The following CEP70 variants were observed in gnomAD, a reference collection of about 807,000 sequenced individuals.
The protein encoded by CEP70 is centrosomal protein 70.
In CEP70, 70 loss-of-function variants were observed where a neutral mutation model predicts 90.9. The ratio of observed to expected loss-of-function variants is 0.77; its 90% CI spans 0.64 to 0.94. The LOEUF is 0.94. CEP70 is among the 40% of genes least tolerant of loss of function. The pLI, the probability that CEP70 is intolerant of heterozygous loss-of-function variation, is 0.00. For missense variants in CEP70, 648 were observed against 669.0 expected (o/e 0.97, Z 0.35); for synonymous variants, 220 against 228.3 (o/e 0.96, Z 0.33).
chr3:138,570,337 T>C lies in CEP70; in HGVS notation c.446A>G (p.Lys149Arg), dbSNP rs764041380. 6.3e-7 allele frequency: 1 copy of C among 1,584,796 alleles called. No homozygotes were observed. Among genetic ancestry groups the C allele is most frequent in the Admixed American group, 1.9e-5 (1 of 51,860 alleles). The stretch of plus-strand genomic sequence containing the variant: ...CAGTACCTGTAAAGTTTTCTGCTCC[T>C]TTTGAAGATCTTTTATTTTATTCTG... ...HQQNKIKDLQ[K>R]EQKTLQVKCQ... Residue 149 changes from lysine to arginine, a missense_variant, in exon 6 of 18, where the codon AAG becomes AGG. Coordinates refer to ENST00000264982, the MANE Select transcript of CEP70 (RefSeq NM_024491.4).
At chr3:138,499,149 C>T (rs1016361053) in intron 16 of CEP70, among the ~76,000 whole-genome samples, 1 of 152,008 alleles carries the variant, frequency 6.6e-6, no homozygotes, top group Non-Finnish European at 1.5e-5. Flanking sequence ...TTAAAAGCAC[C>T]AAGTGTCAGA....
chr3:138,547,689 G>A (rs1159234684), intron 6 of CEP70, among the ~76,000 whole-genome samples: 1 of 152,102 alleles, frequency 6.6e-6, no homozygotes, highest in Non-Finnish European at 1.5e-5. Context: ...AGGGTTACCT[G>A]AAAATAAGTA....
chr3:138,525,321 G>A (rs939260241), intron 11 of CEP70, among the ~76,000 whole-genome samples, 169 bp downstream of exon 11: 7 of 151,926 alleles, frequency 4.6e-5, no homozygotes, highest in African/African-American at 9.7e-5. Flanking sequence ...GTTAAATGAC[G>A]AGTTACTGGG....
intron 6 of CEP70, among the ~76,000 whole-genome samples, chr3:138,551,265 A>G (rs571153948): frequency 3.3e-5 from 5 of 152,354 alleles, no homozygotes; most frequent in African/African-American, 1.2e-4. Flanking sequence ...ATCCAGAGAA[A>G]CTAAGCTTCA....
chr3:138,580,703 C>CA (rs766796851), intron 2 of CEP70, among the ~76,000 whole-genome samples: 34 of 152,186 alleles, frequency 2.2e-4, no homozygotes, highest in Non-Finnish European at 4.4e-4. Flanking sequence ...CCCAGACAGA[C>CA]AGAGATATGT....
At chr3:138,577,617 C>T (rs1394085938) in intron 2 of CEP70, among the ~76,000 whole-genome samples, 2 of 152,092 alleles carry the variant, frequency 1.3e-5, no homozygotes, top group Non-Finnish European at 2.9e-5. Flanking sequence ...CACTGCACTC[C>T]AGCCTGGGTG....
Position 138,570,461 on chromosome 3 carries a change from G to C in CEP70, c.322C>G (p.Gln108Glu), listed in dbSNP as rs2041093185. ...TCCAAGTCATTAGCTCGTTGTTCTT[G>C]ATTGGCTGCTCGGCTTTGCTCTAGC... is the stretch of plus-strand genomic sequence containing the variant. ...LQLEQSRAAN[Q>E]EQRANDLEQI... The change falls in exon 6 of 18, where the codon CAA becomes GAA. Residue 108 changes from glutamine to glutamate, a missense_variant. By Grantham distance (29) the Gln-to-Glu change is conservative. Transcript: ENST00000264982. 6.2e-7 allele frequency: 1 copy of C among 1,608,114 alleles called. No individual in the cohort carries two copies. Among genetic ancestry groups the C allele is most frequent in the African/African-American group, 1.3e-5 (1 of 74,512 alleles).
At chr3:138,591,394 A>G (rs544030529) in intron 2 of CEP70, among the ~76,000 whole-genome samples, 1 of 152,104 alleles carries the variant, frequency 6.6e-6, no homozygotes, top group Non-Finnish European at 1.5e-5. Flanking sequence ...AGTCCAAAAC[A>G]TAGTTCCAAG....
chr3:138,580,534 A>C (rs750561426), intron 2 of CEP70, among the ~76,000 whole-genome samples: 2 of 152,194 alleles, frequency 1.3e-5, no homozygotes, highest in Non-Finnish European at 2.9e-5. Context: ...GTCACTGGAA[A>C]GTCTTCCCAA....
chr3:138,588,692 A>G (rs2042228748), intron 2 of CEP70, among the ~76,000 whole-genome samples: 1 of 152,266 alleles, frequency 6.6e-6, no homozygotes, highest in South Asian at 2.1e-4. Context: ...TAAAAGGTTA[A>G]TAAGCACTTA....
intron 6 of CEP70, among the ~76,000 whole-genome samples, chr3:138,543,610 C>G (rs998409543): frequency 3.9e-5 from 6 of 152,194 alleles, no homozygotes; most frequent in African/African-American, 1.4e-4. Context: ...TCACCTGTTC[C>G]TAGCCCCTGA....
intron 6 of CEP70, among the ~76,000 whole-genome samples, chr3:138,548,515 G>A (rs2039383850): frequency 6.6e-6 from 1 of 152,186 alleles, no homozygotes; most frequent in African/African-American, 2.4e-5. Flanking sequence ...AAACCAGATT[G>A]TGACCCTGCT....
At chr3:138,590,673 T>G in intron 2 of CEP70, among the ~76,000 whole-genome samples, 1 of 150,384 alleles carries the variant, frequency 6.6e-6, no homozygotes. Context: ...TAGCCGATCC[T>G]GGTGGTGTGT....
intron 17 of CEP70, chr3:138,497,724 C>A: frequency 1.0e-6 from 1 of 985,162 alleles, no homozygotes; most frequent in Non-Finnish European, 1.2e-6. Flanking sequence ...GATCATAAAT[C>A]CTAAGAATAT....
At position 138,537,205 on chromosome 3, in the gene CEP70, C is replaced by CT; in HGVS notation, c.607dup (p.Arg203LysfsTer9). On this transcript the variant is annotated frameshift_variant, in exon 7 of 18. Coordinates refer to ENST00000264982, the MANE Select transcript of CEP70 (RefSeq NM_024491.4). LOFTEE classifies it high-confidence loss of function. ...TCTATCCAAGACGGTATGAGGAACT[C>CT]TTTTGCACAGATAGGCAAACACTCT... 6.3e-7 allele frequency: 1 copy of CT among 1,594,110 alleles called. No homozygotes were observed.
intron 2 of CEP70, among the ~76,000 whole-genome samples, chr3:138,582,459 G>T (rs555304384): frequency 1.8e-4 from 25 of 136,130 alleles, no homozygotes; most frequent in Middle Eastern, 4.9e-3. Flanking sequence ...GTGACAGAGC[G>T]AGACTCCATC....
At position 138,551,591 on chromosome 3, in the gene CEP70, C is replaced by G. The variant is rs146111656; in HGVS notation, c.466-14244G>C. ...TGAAACCCCGTCTCTACTAAAAATA[C>G]AAAAATTCACCAGGCATGTTGGCGT... On this transcript the variant is annotated intron_variant, in intron 6 of 17. Transcript: ENST00000264982. Among the ~76,000 whole-genome samples the G allele has an allele frequency of 2.6e-3, 389 of 151,996 alleles. 2 individuals carry two copies. Among genetic ancestry groups the G allele is most frequent in the African/African-American group, 9.2e-3 (380 of 41,474 alleles).
intron 6 of CEP70, among the ~76,000 whole-genome samples, chr3:138,542,515 C>T (rs985269492): frequency 6.6e-6 from 1 of 152,212 alleles, no homozygotes. Context: ...TGTTTCAGTC[C>T]CACCACCCTG....
chr3:138,505,479 T>C lies in CEP70; in HGVS notation c.1051-14A>G. ...GCTACACAGCACCTTTAAAAAAACATAGTGTATATAGTCAAAATATTTATC... is the reference window on the plus strand; with the variant it reads ...GCTACACAGCACCTTTAAAAAAACACAGTGTATATAGTCAAAATATTTATC... On this transcript the variant is annotated splice_polypyrimidine_tract_variant and intron_variant, in intron 12 of 17. Coordinates refer to ENST00000264982, the MANE Select transcript of CEP70 (RefSeq NM_024491.4). 6.6e-7 allele frequency: 1 copy of C among 1,525,338 alleles called. No individual in the cohort carries two copies. The highest frequency in any genetic ancestry group is 8.8e-7 in the Non-Finnish European group (1 of 1,139,142). The allele number at this position is 1,525,338 out of a possible 1,614,324, so 94.5% of individuals were successfully genotyped here. A position where few individuals can be genotyped will look rare whatever the true frequency, so the allele number is the denominator to read the frequency against.
Sources: allele counts gnomAD v4.1 joint callset (sites outside exome capture counted in the v4.1 genomes callset), GRCh38; gene constraint gnomAD v4.1.1; transcripts MANE v1.5; gene names NCBI Gene and HGNC (gene_info 2026-07-23, HGNC 2026-07-21).